HMCN2: variants seen among roughly 807,000 people sequenced by gnomAD.
HMCN2 encodes hemicentin-2.
In HMCN2, 325 loss-of-function variants were observed where a neutral mutation model predicts 377.5. The observed-to-expected ratio is 0.86, with a 90% CI of 0.79 to 0.94. The LOEUF (loss-of-function observed/expected upper bound fraction) is 0.94, where lower values mean the gene tolerates loss of function less well. Ranked by LOEUF, HMCN2 falls within the 40% of genes least tolerant of loss-of-function variation. The pLI, the probability that HMCN2 is intolerant of heterozygous loss-of-function variation, is 0.00. For synonymous variants in HMCN2, 2,007 were observed against 2,046.8 expected (o/e 0.98, Z 0.53); for missense variants, 4,543 against 4,725.3 (o/e 0.96, Z 1.13).
rs984662430 is a variant in HMCN2, at chr9:130,328,116, C to T, written c.3359+641C>T. 2.0e-5 allele frequency among the ~76,000 whole-genome samples: 3 copies of T among 152,322 alleles called. No individual in the cohort carries two copies. The East Asian group carries it at 5.8e-4, about 29-fold the overall frequency. ...GAGATGTTCCAGACTCAGAAGGTCT[C>T]GGAGCAGCCTGCCCTGTAACGTGAC... On this transcript the variant is annotated intron_variant, in intron 22 of 97. Transcript: ENST00000683500.
At chr9:130,277,295 G>A (rs1554923468) in intron 1 of HMCN2, among the ~76,000 whole-genome samples, 2 of 152,244 alleles carry the variant, frequency 1.3e-5, no homozygotes. Flanking sequence ...GCAGCCAGCA[G>A]GCCTGCTCGG....
chr9:130,399,394 C>G (rs1842760139), intron 75 of HMCN2, 117 bp from the exon 76 acceptor site: 1 of 1,107,696 alleles, frequency 9.0e-7, no homozygotes. Flanking sequence ...TTTCTAGAGT[C>G]AGGGCTGGAG....
intron 79 of HMCN2, 60 bp downstream of exon 79, chr9:130,403,388 G>T: frequency 3.9e-6 from 5 of 1,278,374 alleles, no homozygotes; most frequent in Non-Finnish European, 5.1e-6. Context: ...CTGGGCAGGG[G>T]GGGAGTCCTG....
Position 130,422,498 on chromosome 9 carries a change from ATG to A in HMCN2, c.13232-78_13232-77del. 4 of 1,153,804 alleles carry A rather than the reference ATG, an allele frequency of 3.5e-6. No individual in the cohort carries two copies. Among genetic ancestry groups the A allele is most frequent in the Admixed American group, 4.2e-5 (1 of 23,690 alleles). The allele number at this position is 1,153,804 out of a possible 1,614,324, so 71.5% of individuals were successfully genotyped here. A position where few individuals can be genotyped will look rare whatever the true frequency, so the allele number is the denominator to read the frequency against. On this transcript the variant is annotated intron_variant, in intron 86 of 97. Coordinates refer to ENST00000683500, the MANE Select transcript of HMCN2 (RefSeq NM_001291815.2). This position sits in a 1 kb window ranked among gnomAD's most constrained non-coding sequence, Gnocchi z 4.2. ...GAGCCTCCATTTACTCCTTCACGAA[ATG>A]GGAATGACAGCCTGCTTGTGCTGTG...
chr9:130,317,427 T>C (rs1020486225), intron 15 of HMCN2, among the ~76,000 whole-genome samples: 146,920 of 151,164 alleles, frequency 0.97, 71,551 homozygotes, highest in South Asian at 1. Context: ...GCTATGATTG[T>C]GCCACTGTGC....
chr9:130,383,206 CAGACACAGAGCTGCGGGGACCCTGGG>C lies in HMCN2; in HGVS notation c.8734-295_8734-270del, dbSNP rs562157641. The stretch of plus-strand genomic sequence containing the variant: ...GCAGCCCCCTGAGTCACCCCATGTG[CAGACACAGAGCTGCGGGGACCCTGGG>C]AGCCCAACACACACAGCACGGCCCT... On this transcript the variant is annotated intron_variant, in intron 56 of 97. Transcript: ENST00000683500. Among the ~76,000 whole-genome samples, 616 of 152,266 alleles carry C rather than the reference CAGACACAGAGCTGCGGGGACCCTGGG, an allele frequency of 4.0e-3. 2 individuals are homozygous for C. The highest frequency in any genetic ancestry group is 0.014 in the African/African-American group (586 of 41,556).
chr9:130,328,146 G>T (rs1326214258), intron 22 of HMCN2, among the ~76,000 whole-genome samples: 1 of 152,190 alleles, frequency 6.6e-6, no homozygotes, highest in Non-Finnish European at 1.5e-5. Flanking sequence ...CGTGACCCCC[G>T]CCCCCACCAT....
intron 1 of HMCN2, among the ~76,000 whole-genome samples, chr9:130,283,107 A>C (rs1835217983): frequency 6.6e-6 from 1 of 152,048 alleles, no homozygotes. Context: ...CATAGGGTGC[A>C]CTGAGGACTC....
At chr9:130,352,326 G>A (rs945578879) in intron 30 of HMCN2, among the ~76,000 whole-genome samples, 2 of 152,226 alleles carry the variant, frequency 1.3e-5, no homozygotes, top group East Asian at 1.9e-4. Context: ...TTCTCGAGGC[G>A]TGGACTCCGC....
rs1838114221 is a variant in HMCN2 at position 130,325,980 on chromosome 9, G to C, written c.3193+10G>C. On this transcript the variant is annotated intron_variant, in intron 21 of 97. Transcript: ENST00000683500. ...CGACTTTCTGTCAACAGTGAGTGAT[G>C]CCAACCCTGTCCTGGGAGAGGGGGC... 6.6e-6 allele frequency: 1 copy of C among 152,336 alleles called. No homozygotes were observed. Among genetic ancestry groups the C allele is most frequent in the Non-Finnish European group, 1.5e-5 (1 of 68,098 alleles). 9.4% of individuals were successfully genotyped at this position (152,336 alleles called of 1,614,324 possible).
chr9:130,313,592 A>G (rs1426290809), intron 15 of HMCN2, among the ~76,000 whole-genome samples: 1 of 96,212 alleles, frequency 1.0e-5, no homozygotes, highest in Non-Finnish European at 2.7e-5. Context: ...TAAATAATGC[A>G]TGTGGGCACC....
intron 4 of HMCN2, among the ~76,000 whole-genome samples, chr9:130,292,576 G>A (rs561426697): frequency 8.3e-4 from 127 of 152,290 alleles, no homozygotes; most frequent in African/African-American, 2.9e-3. Flanking sequence ...TGGCAAGGGA[G>A]GCTTTACTGT....
intron 85 of HMCN2, among the ~76,000 whole-genome samples, chr9:130,415,800 G>A (rs931742928): frequency 2.0e-5 from 3 of 152,184 alleles, no homozygotes; most frequent in Admixed American, 6.5e-5. Flanking sequence ...GGTTCTCGCC[G>A]TTCAGTTGCT....
chr9:130,270,140 C>G (rs781948867), intron 1 of HMCN2, among the ~76,000 whole-genome samples: 5 of 146,712 alleles, frequency 3.4e-5, no homozygotes, highest in Non-Finnish European at 6.1e-5. Context: ...TTTAAGTGTA[C>G]TTAGTATTTT....
At position 130,427,518 on chromosome 9, in the gene HMCN2, G is replaced by A. The variant is rs571855620; in HGVS notation, c.13964G>A (p.Gly4655Asp). Residue 4655 changes from glycine (G) to aspartate (D), a missense_variant, in exon 92 of 98, where the codon GGC becomes GAC. This residue lies in a region of HMCN2 where 1,155 missense variants were observed against 1,157.7 expected (regional missense o/e 1.00). Transcript: ENST00000683500. ...FCVDRDECSGGPSPCSHACLN... is the reference protein window; with the variant it reads ...FCVDRDECSGDPSPCSHACLN... Reference sequence around the variant, plus strand: ...CCAGACAGGGACGAGTGCTCAGGAGGCCCTAGCCCCTGCTCCCATGCCTGC... The same window carrying A: ...CCAGACAGGGACGAGTGCTCAGGAGACCCTAGCCCCTGCTCCCATGCCTGC... 9.7e-6 allele frequency: 15 copies of A among 1,550,480 alleles called. No homozygotes were observed. In the East Asian group the frequency reaches 1.7e-4, roughly 18 times the overall value.
chr9:130,405,727 C>T (rs986351531), intron 81 of HMCN2, among the ~76,000 whole-genome samples: 2 of 152,210 alleles, frequency 1.3e-5, no homozygotes, highest in African/African-American at 2.4e-5. Flanking sequence ...CTGGCTATTG[C>T]GATCATGCAG....
In HMCN2 at chr9:130,433,547, C is replaced by T. The variant is rs1258833473; in HGVS notation, c.15094C>T (p.Arg5032Cys). 1.4e-6 allele frequency: 2 copies of T among 1,469,208 alleles called. No homozygotes were observed. The highest frequency in any genetic ancestry group is 9.0e-7 in the Non-Finnish European group (1 of 1,116,768). 91.0% of individuals were successfully genotyped at this position (1,469,208 alleles called of 1,614,324 possible). The change falls in exon 98 of 98, where the codon CGT (arginine) becomes TGT (cysteine). Residue 5032 changes from arginine to cysteine, a missense_variant. Coordinates refer to ENST00000683500, the MANE Select transcript of HMCN2 (RefSeq NM_001291815.2). ...EPDPRSPFAL[R>C]PLRAGLGAVY... The stretch of plus-strand genomic sequence containing the variant: ...CGACCCCCGCAGCCCCTTCGCGCTG[C>T]GTCCGCTGCGCGCGGGCCTTGGCGC...
chr9:130,425,219 C>T, intron 89 of HMCN2, 89 bp downstream of exon 89: 4 of 1,388,870 alleles, frequency 2.9e-6, no homozygotes, highest in Non-Finnish European at 3.8e-6. Flanking sequence ...CAGCCAGGCC[C>T]ACTCTCCCTT....
intron 60 of HMCN2, 149 bp downstream of exon 60, chr9:130,385,911 C>T: frequency 2.2e-6 from 1 of 451,252 alleles, no homozygotes; most frequent in East Asian, 7.2e-5. Flanking sequence ...TAGCAGCTTC[C>T]AGGGTGGAAG....
Sources: allele counts gnomAD v4.1 joint callset (sites outside exome capture counted in the v4.1 genomes callset), GRCh38; gene constraint gnomAD v4.1.1; regional missense constraint gnomAD v4.1.1; non-coding constraint Gnocchi (gnomAD v3.1); transcripts MANE v1.5; gene names NCBI Gene and HGNC (gene_info 2026-07-23, HGNC 2026-07-21).